The following FDX1 variants were observed in gnomAD, a reference collection of about 807,000 sequenced individuals.
FDX1 encodes the protein ferredoxin 1, also known as adrenodoxin, mitochondrial.
A neutral mutation model predicts 14.9 loss-of-function variants in FDX1; 9 were observed. The ratio of observed to expected loss-of-function variants is 0.60; its 90% CI spans 0.36 to 1.05. The LOEUF is 1.05. Among genes scored for constraint, FDX1 ranks in the 50% least tolerant of loss-of-function variants. FDX1 has a pLI of 0.01. For synonymous variants in FDX1, 92 were observed against 99.4 expected (o/e 0.93, Z 0.44); for missense variants, 204 against 237.2 (o/e 0.86, Z 0.92).
At chr11:110,444,074 C>A (rs1946422716) in intron 2 of FDX1, among the ~76,000 whole-genome samples, 2 of 152,004 alleles carry the variant, frequency 1.3e-5, no homozygotes. Flanking sequence ...AATTAGATCC[C>A]ACTTACCAAT....
intron 2 of FDX1, among the ~76,000 whole-genome samples, chr11:110,442,064 A>C (rs1042091545): frequency 3.3e-5 from 5 of 152,196 alleles, no homozygotes; most frequent in African/African-American, 1.2e-4. Flanking sequence ...TGTGGTATTG[A>C]GCCTGCTAGT....
intron 3 of FDX1, 48 bp downstream of exon 3, chr11:110,457,095 G>A: frequency 6.4e-7 from 1 of 1,558,802 alleles, no homozygotes; most frequent in South Asian, 1.1e-5. Context: ...TGGGAACATA[G>A]ATGTTGTATT....
intron 2 of FDX1, among the ~76,000 whole-genome samples, chr11:110,437,046 A>G (rs1946374460): frequency 6.6e-6 from 1 of 152,170 alleles, no homozygotes; most frequent in African/African-American, 2.4e-5. Context: ...CCCAGGCTGA[A>G]GTGCGGTCGT....
chr11:110,439,494 A>C (rs929893626), intron 2 of FDX1, among the ~76,000 whole-genome samples: 1 of 152,136 alleles, frequency 6.6e-6, no homozygotes, highest in African/African-American at 2.4e-5. Context: ...GGTGTGAGCC[A>C]CCACACCCGG....
chr11:110,441,639 T>C (rs1946404896), intron 2 of FDX1, among the ~76,000 whole-genome samples: 1 of 152,080 alleles, frequency 6.6e-6, no homozygotes, highest in Non-Finnish European at 1.5e-5. Flanking sequence ...ATTCAAGAGG[T>C]GACTTGGGTG....
intron 2 of FDX1, among the ~76,000 whole-genome samples, chr11:110,454,787 C>G (rs67538566): frequency 0.17 from 26,023 of 152,000 alleles, 2,360 homozygotes; most frequent in Non-Finnish European, 0.19. Context: ...AGTATAGTTA[C>G]TCTTGAGGAA....
In FDX1 at chr11:110,435,929, T is replaced by C; in HGVS notation, c.281T>C (p.Val94Ala). 6.2e-7 allele frequency: 1 copy of C among 1,612,538 alleles called. No individual in the cohort carries two copies. The highest frequency in any genetic ancestry group is 1.7e-4 in the Middle Eastern group (1 of 6,054). The change falls in exon 2 of 4, where the codon GTT becomes GCT. Residue 94 changes from valine to alanine, a missense_variant. Val to Ala is a moderately conservative substitution (Grantham distance 64, BLOSUM62 0). Transcript: ENST00000260270. ...GGTGATTCTCTGCTAGATGTTGTGG[T>C]TGAAAATAATCTAGATATTGATGGC... ...KVGDSLLDVV[V>A]ENNLDIDGFG... is the part of the protein sequence containing the mutation.
intron 2 of FDX1, among the ~76,000 whole-genome samples, chr11:110,437,869 C>T (rs1414962899): frequency 2.0e-5 from 3 of 152,186 alleles, no homozygotes; most frequent in Non-Finnish European, 2.9e-5. Context: ...TTAGCTTGCA[C>T]TTATAAGTGA....
At position 110,462,459 on chromosome 11, in the gene FDX1, G is replaced by T. The variant is rs367844705; in HGVS notation, c.546G>T (p.Lys182Asn). The T allele has an allele frequency of 2.1e-6, 3 of 1,431,142 alleles. No homozygotes were observed. The African/African-American group carries it at 4.2e-5, about 20-fold the overall frequency. The allele number at this position is 1,431,142 out of a possible 1,614,324, so 88.7% of individuals were successfully genotyped here. Reference sequence around the variant, plus strand: ...CCAGACAATCCATTGATGTGGGCAAGACCTCCTGAACTAGAACAAATAGGA... The same window carrying T: ...CCAGACAATCCATTGATGTGGGCAATACCTCCTGAACTAGAACAAATAGGA... ...ADARQSIDVGKTS is the reference protein window; with the variant it reads ...ADARQSIDVGNTS Residue 182 changes from lysine to asparagine, a missense_variant, in exon 4 of 4, where the codon AAG becomes AAT. Transcript: ENST00000260270.
At chr11:110,430,347 TC>T in intron 1 of FDX1, 42 bp downstream of exon 1, 1 of 1,160,720 alleles carries the variant, frequency 8.6e-7, no homozygotes, top group East Asian at 3.8e-5. Flanking sequence ...CGGGCCGGGG[TC>T]CCCGGTGGGT....
At chr11:110,459,255 C>G (rs1170771147) in intron 3 of FDX1, among the ~76,000 whole-genome samples, 1 of 152,180 alleles carries the variant, frequency 6.6e-6, no homozygotes, top group Admixed American at 6.5e-5. Context: ...CACAGTATTG[C>G]TGTGTGGAGT....
At chr11:110,457,118 T>A in intron 3 of FDX1, 71 bp downstream of exon 3, 2 of 1,393,802 alleles carry the variant, frequency 1.4e-6, no homozygotes, top group Non-Finnish European at 2.0e-6. Context: ...GTTGTCTATG[T>A]AAGACCAGAC....
chr11:110,462,337 C>T lies in FDX1; in HGVS notation c.441-17C>T, dbSNP rs1946561304. The T allele has an allele frequency of 7.0e-7, 1 of 1,434,146 alleles. No homozygotes were observed. Among genetic ancestry groups the T allele is most frequent in the Admixed American group, 1.7e-5 (1 of 59,594 alleles). The allele number at this position is 1,434,146 out of a possible 1,614,324, so 88.8% of individuals were successfully genotyped here. Reference sequence around the variant, plus strand: ...TATACGTAATACTAAACCATACCTTCCCCCTTTTCCATACAGATCACGGTT... The same window carrying T: ...TATACGTAATACTAAACCATACCTTTCCCCTTTTCCATACAGATCACGGTT... On this transcript the variant is annotated splice_polypyrimidine_tract_variant and intron_variant, in intron 3 of 3. Coordinates refer to ENST00000260270, the MANE Select transcript of FDX1 (RefSeq NM_004109.5).
intron 3 of FDX1, among the ~76,000 whole-genome samples, chr11:110,458,701 G>A (rs1436141715): frequency 6.6e-6 from 1 of 151,568 alleles, no homozygotes; most frequent in Non-Finnish European, 1.5e-5. Context: ...TCTGCCTCCC[G>A]GGTTCAAGCA....
chr11:110,448,985 G>A (rs1368225830), intron 2 of FDX1, among the ~76,000 whole-genome samples: 3 of 152,148 alleles, frequency 2.0e-5, no homozygotes, highest in Admixed American at 6.5e-5. Context: ...ATATCTGTAT[G>A]ATTTTCTTGA....
chr11:110,433,681 G>A (rs1946346438), intron 1 of FDX1, among the ~76,000 whole-genome samples: 2 of 152,198 alleles, frequency 1.3e-5, no homozygotes, highest in Admixed American at 1.3e-4. Flanking sequence ...TTTAAAGCAT[G>A]TTTTGGCTGT....
At chr11:110,434,732 T>TTG (rs1555068089) in intron 1 of FDX1, among the ~76,000 whole-genome samples, 23 of 136,792 alleles carry the variant, frequency 1.7e-4, no homozygotes, top group Middle Eastern at 3.7e-3. Context: ...TTTGTTTTTT[T>TTG]TTTTTTTTTT....
At chr11:110,434,614 T>C (rs1410929343) in intron 1 of FDX1, among the ~76,000 whole-genome samples, 1 of 152,026 alleles carries the variant, frequency 6.6e-6, no homozygotes, top group African/African-American at 2.4e-5. Flanking sequence ...ATTACAGGCG[T>C]GAGTCACCAT....
In FDX1 at chr11:110,462,525, T is replaced by A; in HGVS notation, c.*57T>A. On this transcript the variant is annotated 3_prime_UTR_variant, in exon 4 of 4. Transcript: ENST00000260270. Reference sequence around the variant, plus strand: ...TTTACCTATTTTTATAATTATTATTTCTTAAAGTGATTAAATGAGAACATG... The same window carrying A: ...TTTACCTATTTTTATAATTATTATTACTTAAAGTGATTAAATGAGAACATG... The A allele has an allele frequency of 1.0e-6, 1 of 996,580 alleles. No homozygotes were observed. Among genetic ancestry groups the A allele is most frequent in the Non-Finnish European group, 1.5e-6 (1 of 654,336 alleles). The allele number at this position is 996,580 out of a possible 1,614,324, so 61.7% of individuals were successfully genotyped here.
Sources: gnomAD v4.1 joint callset for allele counts (sites outside exome capture counted in the v4.1 genomes callset) on GRCh38, gnomAD v4.1.1 for gene constraint, MANE v1.5 for transcripts, NCBI Gene and HGNC (gene_info 2026-07-23, HGNC 2026-07-21) for gene names.